WNT5B: variants seen among roughly 807,000 people sequenced by gnomAD.
The protein encoded by WNT5B is Wnt family member 5B, also known as protein Wnt-5b.
In WNT5B, 18 loss-of-function variants were observed where a neutral mutation model predicts 36.5. That is an observed-to-expected ratio of 0.49 (90% CI 0.34 to 0.73). The LOEUF (loss-of-function observed/expected upper bound fraction) is 0.73. Among genes scored for constraint, WNT5B ranks in the 30% least tolerant of loss-of-function variants. WNT5B has a pLI of 0.01. For missense variants in WNT5B, 424 were observed against 508.4 expected (o/e 0.83, Z 1.60); for synonymous variants, 213 against 212.3 (o/e 1.00, Z -0.03).
Position 1,619,262 on chromosome 12 carries a change from C to T in WNT5B, c.-58+2119C>T, listed in dbSNP as rs182070202. ...GGTGGAGCTGATACAACCCTCTCCCCGCCCAATTTTTTATTTTCATTTCTA... is the reference window on the plus strand; with the variant it reads ...GGTGGAGCTGATACAACCCTCTCCCTGCCCAATTTTTTATTTTCATTTCTA... On this transcript the variant is annotated intron_variant, in intron 1 of 4. Coordinates refer to the WNT5B transcript ENST00000310594. Among the ~76,000 whole-genome samples, 556 of 152,162 alleles carry T rather than the reference C, an allele frequency of 3.7e-3. 2 individuals are homozygous for T. Among genetic ancestry groups the T allele is most frequent in the Middle Eastern group, 0.01 (3 of 294 alleles).
chr12:1,630,209 C>T lies in WNT5B; in HGVS notation c.-58+838C>T, dbSNP rs1321874929. ...GAGTGGCGCAGTGAGCCGGGGCGCG[C>T]GGGGCTGCGCTCGTCAGGTCCGGGG... On this transcript the variant is annotated intron_variant, in intron 1 of 4. Transcript: ENST00000397196. The surrounding 1 kb of genome is among the most constrained non-coding windows in gnomAD (Gnocchi z 5.3). 1.0e-6 allele frequency: 1 copy of T among 985,200 alleles called. No individual in the cohort carries two copies. Among genetic ancestry groups the T allele is most frequent in the Non-Finnish European group, 1.2e-6 (1 of 829,904 alleles). The allele number at this position is 985,200 out of a possible 1,614,324, so 61.0% of individuals were successfully genotyped here.
chr12:1,628,267 T>C (rs2154439442), upstream of WNT5B, among the ~76,000 whole-genome samples: 1 of 152,208 alleles, frequency 6.6e-6, no homozygotes, highest in East Asian at 1.9e-4. Flanking sequence ...GCGATTCTCC[T>C]GCCTCAGCCT....
chr12:1,637,538 C>A (rs546929498), intron 3 of WNT5B, among the ~76,000 whole-genome samples: 3 of 147,252 alleles, frequency 2.0e-5, no homozygotes, highest in Non-Finnish European at 4.5e-5. Flanking sequence ...GAGTTCAAGA[C>A]CAGCCTGGCC....
intron 1 of WNT5B, among the ~76,000 whole-genome samples, chr12:1,620,769 C>T (rs1283763729): frequency 1.3e-5 from 2 of 150,510 alleles, no homozygotes; most frequent in South Asian, 2.1e-4. Context: ...AATGGCACGA[C>T]CTTGGCTCAC....
Position 1,639,791 on chromosome 12 carries a change from ACG to A in WNT5B, c.437_438del (p.Thr146SerfsTer65). On this transcript the variant is annotated frameshift_variant, in exon 4 of 5. Transcript: ENST00000397196. LOFTEE classifies it high-confidence loss of function. Reference sequence around the variant, plus strand: ...GCTCTCCACCTGCGGCTGCAGCCGGACGGCGCGGCCCAAGGACCTGCCCCGGG... The same window carrying A: ...GCTCTCCACCTGCGGCTGCAGCCGGAGCGCGGCCCAAGGACCTGCCCCGGG... The part of the protein sequence containing the change: ...GELSTCGCSR[T>X]ARPKDLPRDW... 1 of 1,611,600 alleles carries A rather than the reference ACG, an allele frequency of 6.2e-7. No homozygotes were observed. The highest frequency in any genetic ancestry group is 8.5e-7 in the Non-Finnish European group (1 of 1,178,966).
rs1357877836 is a variant in WNT5B, at chr12:1,646,222, G to C, written c.1050G>C (p.Thr350=). 1 of 1,613,298 alleles carries C rather than the reference G, an allele frequency of 6.2e-7. No individual in the cohort carries two copies. Among genetic ancestry groups the C allele is most frequent in the Admixed American group, 1.7e-5 (1 of 60,018 alleles). Residue 350 remains threonine, a synonymous_variant, in exon 5 of 5, where the codon ACG becomes ACC. Transcript: ENST00000397196. The part of the protein sequence containing the change: ...WCCFVRCKKC[T]EIVDQYICK ...GCTTCGTCAGGTGTAAGAAGTGCAC[G>C]GAGATCGTGGACCAGTACATCTGTA...
chr12:1,621,789 C>T (rs2154439271), intron 1 of WNT5B, among the ~76,000 whole-genome samples: 2 of 151,746 alleles, frequency 1.3e-5, no homozygotes, highest in Middle Eastern at 6.8e-3. Context: ...GAGTGATCCT[C>T]CCATCCCGGC....
At chr12:1,631,076 A>C in intron 1 of WNT5B, 1 of 309,078 alleles carries the variant, frequency 3.2e-6, no homozygotes, top group East Asian at 5.1e-5. Context: ...TTTCTTTGGA[A>C]ATTAGGTCCT....
rs558037633 is a variant in WNT5B at position 1,642,075 on chromosome 12, G to A, written c.621+2099G>A. Among the ~76,000 whole-genome samples the A allele has an allele frequency of 3.3e-5, 5 of 152,308 alleles. No homozygotes were observed. In the East Asian group the frequency reaches 7.7e-4, roughly 24 times the overall value. Reference sequence around the variant, plus strand: ...GGTGTGTGTAAGGTGGGGTCAGTGCGTGGTGATGTTAGGAGTTCTGGCAAT... The same window carrying A: ...GGTGTGTGTAAGGTGGGGTCAGTGCATGGTGATGTTAGGAGTTCTGGCAAT... On this transcript the variant is annotated intron_variant, in intron 4 of 4. Coordinates refer to ENST00000397196, the MANE Select transcript of WNT5B (RefSeq NM_032642.3).
chr12:1,640,177 TTTTTC>T (rs1237621515), intron 4 of WNT5B, among the ~76,000 whole-genome samples: 6 of 152,352 alleles, frequency 3.9e-5, no homozygotes, highest in African/African-American at 1.2e-4. Flanking sequence ...GCATACGTGC[TTTTTC>T]TTTTCTTTTC....
At position 1,618,987 on chromosome 12, in the gene WNT5B, A is replaced by T. The variant is rs917038037; in HGVS notation, c.-58+1844A>T. Among the ~76,000 whole-genome samples, 3 of 152,092 alleles carry T rather than the reference A, an allele frequency of 2.0e-5. No homozygotes were observed. Among genetic ancestry groups the T allele is most frequent in the Non-Finnish European group, 4.4e-5 (3 of 68,022 alleles). On this transcript the variant is annotated intron_variant, in intron 1 of 4. Transcript: ENST00000310594. This position sits in a 1 kb window ranked among gnomAD's most constrained non-coding sequence, Gnocchi z 4.1. ...GCACTGTGATTGGGTCTGTTTTGCT[A>T]TATACTTCCCAAATTGTGTACCTTA...
intron 3 of WNT5B, among the ~76,000 whole-genome samples, chr12:1,636,470 G>T (rs1344371539): frequency 8.0e-6 from 1 of 125,362 alleles, no homozygotes; most frequent in East Asian, 2.2e-4. Context: ...TTAGCACAAT[G>T]ATTTAAAGGT....
At chr12:1,639,290 A>C (rs796740592) in intron 3 of WNT5B, among the ~76,000 whole-genome samples, 38 of 151,280 alleles carry the variant, frequency 2.5e-4, no homozygotes, top group African/African-American at 8.2e-4. Flanking sequence ...GGCGCCCGCC[A>C]CCACGCCCGG....
Position 1,639,965 on chromosome 12 carries a change from G to T in WNT5B, c.610G>T (p.Ala204Ser). 1 of 1,612,354 alleles carries T rather than the reference G, an allele frequency of 6.2e-7. No homozygotes were observed. Among genetic ancestry groups the T allele is most frequent in the African/African-American group, 1.3e-5 (1 of 74,958 alleles). Reference protein sequence around the residue: ...RVLMNLQNNEAGRRAVYKMAD... With the variant: ...RVLMNLQNNESGRRAVYKMAD... Reference sequence around the variant, plus strand: ...GCTCATGAACCTGCAAAACAACGAGGCCGGTCGCAGGGTAAGCTGGGCCTC... The same window carrying T: ...GCTCATGAACCTGCAAAACAACGAGTCCGGTCGCAGGGTAAGCTGGGCCTC... Residue 204 changes from alanine to serine, a missense_variant, in exon 4 of 5, where the codon GCC becomes TCC. Transcript: ENST00000397196.
Position 1,644,190 on chromosome 12 carries a change from T to C in WNT5B, c.622-1604T>C, listed in dbSNP as rs2240512. The stretch of plus-strand genomic sequence containing the variant: ...CAGCTCAGACCCAGGGCATTTGGGA[T>C]GGAAGGGTCATTGCAGGCCCCATCT... On this transcript the variant is annotated intron_variant, in intron 4 of 4. Transcript: ENST00000397196. This position sits in a 1 kb window ranked among gnomAD's most constrained non-coding sequence, Gnocchi z 5.1. 0.22 allele frequency among the ~76,000 whole-genome samples: 34,054 copies of C among 152,148 alleles called. 4,606 individuals carry two copies. The highest frequency in any genetic ancestry group is 0.38 in the African/African-American group (15,782 of 41,498).
Position 1,632,536 on chromosome 12 carries a change from T to C in WNT5B, c.81-122T>C. ...CAGCACTCTGATTTACTAATTTTTC[T>C]TTCCAGGGCCTTGTACACAGGGACG... On this transcript the variant is annotated intron_variant, in intron 2 of 4. Transcript: ENST00000397196. The surrounding 1 kb of genome is among the most constrained non-coding windows in gnomAD (Gnocchi z 5.8). 1.4e-6 allele frequency: 2 copies of C among 1,407,540 alleles called. No homozygotes were observed. Among genetic ancestry groups the C allele is most frequent in the Non-Finnish European group, 9.5e-7 (1 of 1,047,400 alleles). 87.2% of individuals were successfully genotyped at this position (1,407,540 alleles called of 1,614,324 possible).
rs1227323716 is a variant in WNT5B at position 1,633,808 on chromosome 12, G to A, written c.328+903G>A. Among the ~76,000 whole-genome samples, 1 of 152,156 alleles carries A rather than the reference G, an allele frequency of 6.6e-6. No homozygotes were observed. Among genetic ancestry groups the A allele is most frequent in the East Asian group, 1.9e-4 (1 of 5,184 alleles). On this transcript the variant is annotated intron_variant, in intron 3 of 4. Coordinates refer to ENST00000397196, the MANE Select transcript of WNT5B (RefSeq NM_032642.3). This position sits in a 1 kb window ranked among gnomAD's most constrained non-coding sequence, Gnocchi z 4.8. ...GATTTCAGCCTGGGAGGGGAGTTGG[G>A]GAGGTAGAGATTTCTTCGTGCTCCT...
chr12:1,634,807 G>A (rs994466815), intron 3 of WNT5B, among the ~76,000 whole-genome samples: 3 of 152,174 alleles, frequency 2.0e-5, no homozygotes, highest in African/African-American at 7.2e-5. Flanking sequence ...GCAGCTCGGA[G>A]GAGCCTCGGC....
Position 1,639,657 on chromosome 12 carries a change from G to T in WNT5B, c.329-27G>T, listed in dbSNP as rs138994830. 4,892 of 1,481,800 alleles carry T rather than the reference G, an allele frequency of 3.3e-3. 42 individuals carry two copies. The Middle Eastern group carries it at 0.042, about 13-fold the overall frequency. 91.8% of individuals were successfully genotyped at this position (1,481,800 alleles called of 1,614,324 possible). ...GTCCCCGGGAGAGGAGAGCGCACCC[G>T]CTTACCGCCCTGGCCTCATTCTGCA... On this transcript the variant is annotated intron_variant, in intron 3 of 4. Coordinates refer to ENST00000397196, the MANE Select transcript of WNT5B (RefSeq NM_032642.3).
Sources: allele counts gnomAD v4.1 joint callset (sites outside exome capture counted in the v4.1 genomes callset), GRCh38; gene constraint gnomAD v4.1.1; non-coding constraint Gnocchi (gnomAD v3.1); transcripts MANE v1.5; gene names NCBI Gene and HGNC (gene_info 2026-07-23, HGNC 2026-07-21).